The following CAST variants were observed in gnomAD, a reference collection of about 807,000 sequenced individuals.
CAST encodes MIR583 host.
CAST carries 76 observed loss-of-function variants against 119.6 expected under a neutral mutation model. The ratio of observed to expected loss-of-function variants is 0.64; its 90% confidence interval spans 0.53 to 0.77. The LOEUF (loss-of-function observed/expected upper bound fraction) is 0.77. Ranked by LOEUF, CAST falls within the 30% of genes least tolerant of loss-of-function variation. CAST has a pLI of 0.00. For missense variants in CAST, 953 were observed against 946.5 expected (o/e 1.01, Z -0.09); for synonymous variants, 319 against 331.6 (o/e 0.96, Z 0.41).
At chr5:96,089,826 T>C in the CAST span, among the ~76,000 whole-genome samples, 9 of 152,256 alleles carry the variant, frequency 5.9e-5, no homozygotes, top group African/African-American at 2.2e-4. Context: ...ATTCTTCAAG[T>C]AAATAGGTAA....
chr5:96,560,386 C>T (rs1746332471), intron 1 of CAST, among the ~76,000 whole-genome samples: 2 of 150,968 alleles, frequency 1.3e-5, no homozygotes, highest in African/African-American at 4.9e-5. Flanking sequence ...AGCTTCTGCA[C>T]AGCAAAAGAA....
chr5:96,579,873 G>A (rs927739298), intron 1 of CAST, among the ~76,000 whole-genome samples: 4 of 152,178 alleles, frequency 2.6e-5, no homozygotes, highest in African/African-American at 9.7e-5. Context: ...GAAATATTAT[G>A]GGCCTAGTCA....
At chr5:96,087,783 C>A in the CAST span, among the ~76,000 whole-genome samples, 4 of 152,284 alleles carry the variant, frequency 2.6e-5, no homozygotes, top group Admixed American at 2.0e-4. Context: ...TTATATATAG[C>A]TAACAGGATG....
At chr5:96,376,086 C>G in the CAST span, among the ~76,000 whole-genome samples, 1 of 150,580 alleles carries the variant, frequency 6.6e-6, no homozygotes, top group Admixed American at 6.7e-5. Context: ...TTTCTTTTCT[C>G]AGACCTCTCA....
chr5:95,965,618 T>A, the CAST span, among the ~76,000 whole-genome samples: 1 of 152,226 alleles, frequency 6.6e-6, no homozygotes, highest in Admixed American at 6.5e-5. Flanking sequence ...TTTTAAATTC[T>A]CTTCCCCAGT....
chr5:96,592,039 C>G (rs531124143), intron 1 of CAST, among the ~76,000 whole-genome samples: 38 of 152,288 alleles, frequency 2.5e-4, no homozygotes, highest in Non-Finnish European at 4.3e-4. Context: ...AGACATTTCT[C>G]TTAGCCATGT....
chr5:96,691,029 GA>G (rs1200337634), intron 2 of CAST, among the ~76,000 whole-genome samples: 1 of 152,168 alleles, frequency 6.6e-6, no homozygotes, highest in Non-Finnish European at 1.5e-5. Context: ...CACAAACCTA[GA>G]TGGTAGATAC....
At chr5:96,401,238 G>A in the CAST span, among the ~76,000 whole-genome samples, 1 of 152,130 alleles carries the variant, frequency 6.6e-6, no homozygotes, top group South Asian at 2.1e-4. Context: ...GAAAGATCTA[G>A]GAAAACTTTG....
chr5:96,691,872 C>T (rs1752763485), intron 2 of CAST, among the ~76,000 whole-genome samples: 1 of 152,192 alleles, frequency 6.6e-6, no homozygotes, highest in Non-Finnish European at 1.5e-5. Context: ...CATGTGGCTT[C>T]ACTCAGGGAG....
At chr5:96,758,784 C>T (rs778802614) in intron 24 of CAST, among the ~76,000 whole-genome samples, 3 of 152,150 alleles carry the variant, frequency 2.0e-5, no homozygotes, top group Non-Finnish European at 4.4e-5. Flanking sequence ...TTCCTCTCAT[C>T]GTCTTCCATA....
At chr5:96,094,785 A>G in the CAST span, among the ~76,000 whole-genome samples, 1 of 152,184 alleles carries the variant, frequency 6.6e-6, no homozygotes, top group Non-Finnish European at 1.5e-5. Flanking sequence ...TACATGTTTT[A>G]TTTTTAAATT....
At chr5:95,982,624 G>A in the CAST span, among the ~76,000 whole-genome samples, 355 of 152,234 alleles carry the variant, frequency 2.3e-3, no homozygotes, top group Non-Finnish European at 4.2e-3. Context: ...ATAGTGCCTC[G>A]CAGAGTGTGT....
At chr5:96,017,322 G>T in the CAST span, among the ~76,000 whole-genome samples, 1 of 152,134 alleles carries the variant, frequency 6.6e-6, no homozygotes, top group Non-Finnish European at 1.5e-5. Context: ...TTGATTAAGG[G>T]ACAAGTCCCA....
At chr5:96,333,134 C>T in the CAST span, among the ~76,000 whole-genome samples, 1 of 151,810 alleles carries the variant, frequency 6.6e-6, no homozygotes, top group Non-Finnish European at 1.5e-5. Context: ...GTTGCCTTTC[C>T]CCTCCCACTT....
the CAST span, among the ~76,000 whole-genome samples, chr5:96,206,622 G>A: frequency 7.9e-5 from 12 of 151,996 alleles, no homozygotes; most frequent in African/African-American, 1.7e-4. Flanking sequence ...GTAGGTGTGC[G>A]GCTTTATTCC....
the CAST span, among the ~76,000 whole-genome samples, chr5:96,034,511 G>GCACACACACACACACACA: frequency 4.0e-4 from 26 of 65,664 alleles, no homozygotes; most frequent in Non-Finnish European, 5.9e-4. Flanking sequence ...ACACACATAT[G>GCACACACACACACACACA]TGTGTGTGTA....
At chr5:96,142,712 C>T in the CAST span, among the ~76,000 whole-genome samples, 1 of 152,124 alleles carries the variant, frequency 6.6e-6, no homozygotes, top group Non-Finnish European at 1.5e-5. Context: ...GGTGGAGGTG[C>T]AGTGGGAAAA....
chr5:96,597,125 T>C (rs1317247831), intron 1 of CAST, among the ~76,000 whole-genome samples: 2 of 152,214 alleles, frequency 1.3e-5, no homozygotes, highest in Non-Finnish European at 2.9e-5. Context: ...CAAGATGGCA[T>C]CATCCTGTAC....
the CAST span, chr5:96,399,093 T>A: frequency 7.9e-7 from 1 of 1,268,082 alleles, no homozygotes. Flanking sequence ...CCTTGCATTT[T>A]ATGCATATCT....
Sources: allele counts gnomAD v4.1 joint callset (sites outside exome capture counted in the v4.1 genomes callset), GRCh38; gene constraint gnomAD v4.1.1; transcripts MANE v1.5; gene names NCBI Gene and HGNC (gene_info 2026-07-23, HGNC 2026-07-21).